The following CSMD1 variants were observed in gnomAD, a reference collection of about 807,000 sequenced individuals.
The protein encoded by CSMD1 is CUB and Sushi multiple domains 1.
A neutral mutation model predicts 417.5 loss-of-function variants in CSMD1; 213 were observed. That is an observed-to-expected ratio of 0.51 (90% CI 0.46 to 0.57). The LOEUF is 0.57. Ranked by LOEUF, CSMD1 falls within the 20% of genes least tolerant of loss-of-function variation. CSMD1 has a pLI of 0.00. For missense variants in CSMD1, 6,923 were observed against 4,529.7 expected (o/e 1.53, Z -15.17); for synonymous variants, 2,862 against 1,736.8 (o/e 1.65, Z -16.11).
At chr8:3,826,059 G>A (rs1802037853) in intron 5 of CSMD1, among the ~76,000 whole-genome samples, 1 of 152,138 alleles carries the variant, frequency 6.6e-6, no homozygotes, top group South Asian at 2.1e-4. Context: ...GGCCCACATA[G>A]ACATCTTTTG....
chr8:4,258,489 G>GTGGAAGAAT, intron 3 of CSMD1, among the ~76,000 whole-genome samples: 1 of 1,656 alleles, frequency 6.0e-4, no homozygotes, highest in Admixed American at 0.01. Flanking sequence ...GACGGAGGGA[G>GTGGAAGAAT]GGAGGGACGG....
At chr8:4,178,387 A>G (rs1400034038) in intron 3 of CSMD1, among the ~76,000 whole-genome samples, 5 of 150,858 alleles carry the variant, frequency 3.3e-5, no homozygotes, top group Admixed American at 6.6e-5. Context: ...ACAACCCTTC[A>G]TGCTAAAAAC....
At chr8:4,187,255 G>C (rs577576993) in intron 3 of CSMD1, among the ~76,000 whole-genome samples, 9 of 152,302 alleles carry the variant, frequency 5.9e-5, no homozygotes, top group South Asian at 2.1e-4. Context: ...TTATGGCAGA[G>C]ACTTAAAATG....
At position 3,695,838 on chromosome 8, in the gene CSMD1, T is replaced by C. The variant is rs77950841; in HGVS notation, c.1009+12576A>G. ...TTCCAACTTAAAATAGCATTATTTGTTTCATTTCACAGAAATTACCATTAT... is the reference window on the plus strand; with the variant it reads ...TTCCAACTTAAAATAGCATTATTTGCTTCATTTCACAGAAATTACCATTAT... On this transcript the variant is annotated intron_variant, in intron 7 of 69. Transcript: ENST00000635120. Among the ~76,000 whole-genome samples the C allele has an allele frequency of 7.6e-3, 1,159 of 152,296 alleles. 37 individuals are homozygous for C. In the East Asian group the frequency reaches 0.11, roughly 15 times the overall value.
intron 6 of CSMD1, among the ~76,000 whole-genome samples, chr8:3,734,884 C>A (rs77794450): frequency 6.6e-6 from 1 of 152,152 alleles, no homozygotes; most frequent in Non-Finnish European, 1.5e-5. Flanking sequence ...TAGGGCTGTA[C>A]TGAAGCAATT....
intron 3 of CSMD1, among the ~76,000 whole-genome samples, chr8:4,311,851 C>G (rs926458805): frequency 1.1e-4 from 17 of 151,952 alleles, no homozygotes; most frequent in Admixed American, 1.1e-3. Context: ...GAAAAGATCA[C>G]TGTTAGGTAC....
intron 12 of CSMD1, among the ~76,000 whole-genome samples, chr8:3,421,701 A>C (rs144954509): frequency 2.0e-5 from 3 of 152,138 alleles, no homozygotes; most frequent in Admixed American, 6.5e-5. Context: ...GCACTGCTGT[A>C]ATCTTGGCTC....
At chr8:3,403,641 A>T (rs187524500) in intron 15 of CSMD1, among the ~76,000 whole-genome samples, 26 of 152,286 alleles carry the variant, frequency 1.7e-4, no homozygotes, top group Non-Finnish European at 3.7e-4. Flanking sequence ...GCACAGCTTG[A>T]CTTGTGGCCA....
chr8:4,928,895 C>A (rs1367926475), intron 1 of CSMD1, among the ~76,000 whole-genome samples: 1 of 151,952 alleles, frequency 6.6e-6, no homozygotes, highest in Non-Finnish European at 1.5e-5. Flanking sequence ...ATGGTGAAAC[C>A]CCATCTCAAC....
intron 3 of CSMD1, among the ~76,000 whole-genome samples, chr8:4,112,317 A>C (rs1748945552): frequency 6.6e-6 from 1 of 152,112 alleles, no homozygotes; most frequent in African/African-American, 2.4e-5. Context: ...CACAGACTCC[A>C]CCCTGGCAAC....
At chr8:3,611,544 G>C (rs985715807) in intron 8 of CSMD1, among the ~76,000 whole-genome samples, 2 of 152,022 alleles carry the variant, frequency 1.3e-5, no homozygotes, top group African/African-American at 2.4e-5. Context: ...CAAAATTTGA[G>C]CCCATGACAA....
At chr8:3,672,196 A>C (rs1230572589) in intron 7 of CSMD1, among the ~76,000 whole-genome samples, 2 of 152,168 alleles carry the variant, frequency 1.3e-5, no homozygotes, top group African/African-American at 2.4e-5. Context: ...AGTTTGATGA[A>C]ATTGACTGAG....
At chr8:3,191,928 C>T (rs987407237) in intron 33 of CSMD1, among the ~76,000 whole-genome samples, 35 of 152,236 alleles carry the variant, frequency 2.3e-4, no homozygotes, top group African/African-American at 7.7e-4. Context: ...AGAATGTTCT[C>T]GTATATGAAT....
At chr8:4,010,939 C>A (rs1483522211) in intron 4 of CSMD1, among the ~76,000 whole-genome samples, 1 of 152,102 alleles carries the variant, frequency 6.6e-6, no homozygotes, top group Non-Finnish European at 1.5e-5. Flanking sequence ...TACATTGGCC[C>A]ATAATGATGC....
intron 3 of CSMD1, among the ~76,000 whole-genome samples, chr8:4,194,005 A>G (rs756079695): frequency 6.6e-6 from 1 of 152,108 alleles, no homozygotes; most frequent in Non-Finnish European, 1.5e-5. Flanking sequence ...TATCCCCTTC[A>G]TAATGTTTTT....
chr8:3,667,643 G>C (rs1798769189), intron 7 of CSMD1, among the ~76,000 whole-genome samples: 1 of 152,128 alleles, frequency 6.6e-6, no homozygotes, highest in Non-Finnish European at 1.5e-5. Flanking sequence ...GGTTGCTCTG[G>C]AAACCCAGGC....
intron 3 of CSMD1, among the ~76,000 whole-genome samples, chr8:4,293,056 G>A (rs112679113): frequency 4.1e-4 from 62 of 152,178 alleles, no homozygotes; most frequent in African/African-American, 1.5e-3. Flanking sequence ...TATTCCACCA[G>A]AGCTGCGTCT....
intron 3 of CSMD1, among the ~76,000 whole-genome samples, chr8:4,231,523 A>C (rs567635581): frequency 9.5e-4 from 3 of 3,156 alleles, no homozygotes; most frequent in African/African-American, 1.2e-3. Flanking sequence ...AAAGGTCTGT[A>C]ATTTTTTTTT....
At chr8:4,129,094 A>G (rs953715505) in intron 3 of CSMD1, among the ~76,000 whole-genome samples, 2 of 107,676 alleles carry the variant, frequency 1.9e-5, no homozygotes, top group Admixed American at 9.4e-5. Flanking sequence ...AAAAAAAAAC[A>G]AAACAAAAAA....
Sources: allele counts gnomAD v4.1 joint callset (sites outside exome capture counted in the v4.1 genomes callset), GRCh38; gene constraint gnomAD v4.1.1; transcripts MANE v1.5; gene names NCBI Gene and HGNC (gene_info 2026-07-23, HGNC 2026-07-21).